The following PIWIL4 variants were observed in gnomAD, a reference collection of about 807,000 sequenced individuals.
The protein encoded by PIWIL4 is piwi-like protein 4.
Under a neutral mutation model 100.9 loss-of-function variants are expected in PIWIL4, and 50 were observed. The ratio of observed to expected loss-of-function variants is 0.50; its 90% CI spans 0.39 to 0.63. The LOEUF (loss-of-function observed/expected upper bound fraction) is 0.63, where lower values mean the gene tolerates loss of function less well. Among genes scored for constraint, PIWIL4 ranks in the 20% least tolerant of loss-of-function variants. PIWIL4 has a pLI of 0.00. For synonymous variants in PIWIL4, 342 were observed against 367.5 expected (o/e 0.93, Z 0.79); for missense variants, 887 against 1,043.3 (o/e 0.85, Z 2.06).
intron 13 of PIWIL4, among the ~76,000 whole-genome samples, chr11:94,604,773 G>C (rs780479689): frequency 6.6e-6 from 1 of 151,950 alleles, no homozygotes; most frequent in Admixed American, 6.6e-5. Context: ...TACCTCCCTC[G>C]CTCACTCAGT....
chr11:94,574,771 G>T (rs148751734), intron 2 of PIWIL4, among the ~76,000 whole-genome samples: 1 of 152,164 alleles, frequency 6.6e-6, no homozygotes, highest in African/African-American at 2.4e-5. Context: ...CATGAGTCAC[G>T]ACATCTGGCC....
intron 9 of PIWIL4, among the ~76,000 whole-genome samples, chr11:94,594,431 A>T (rs1357016959): frequency 6.7e-6 from 1 of 149,162 alleles, no homozygotes; most frequent in African/African-American, 2.5e-5. Context: ...ACGCCAGTGC[A>T]CTCCAGCCTG....
chr11:94,606,492 A>G (rs960887472), intron 13 of PIWIL4, among the ~76,000 whole-genome samples: 5 of 152,180 alleles, frequency 3.3e-5, no homozygotes, highest in African/African-American at 1.2e-4. Context: ...AAAAGATGAG[A>G]AGGAGGCGGA....
intron 7 of PIWIL4, 122 bp from the exon 8 acceptor site, chr11:94,588,999 T>C (rs1182732690): frequency 1.4e-5 from 9 of 658,316 alleles, no homozygotes; most frequent in Non-Finnish European, 2.3e-5. Flanking sequence ...ATTCTTGTTT[T>C]ATTGTTTTCA....
chr11:94,597,845 A>T lies in PIWIL4; in HGVS notation c.1310A>T (p.His437Leu). 6.2e-7 allele frequency: 1 copy of T among 1,614,104 alleles called. No individual in the cohort carries two copies. Among genetic ancestry groups the T allele is most frequent in the Non-Finnish European group, 8.5e-7 (1 of 1,179,962 alleles). Reference sequence around the variant, plus strand: ...TTTGAACTAGAGACCTGGGGACTGCATTTTGGAAGCCAGATATCTCTGACT... The same window carrying T: ...TTTGAACTAGAGACCTGGGGACTGCTTTTTGGAAGCCAGATATCTCTGACT... Reference protein sequence around the residue: ...ARFELETWGLHFGSQISLTGR... With the variant: ...ARFELETWGLLFGSQISLTGR... The change falls in exon 11 of 20, where the codon CAT becomes CTT. Residue 437 changes from histidine (H) to leucine (L), a missense_variant. By Grantham distance (99) the His-to-Leu change is moderately conservative (BLOSUM62 -3). Around this residue, in one of 2 missense-constraint regions of PIWIL4, gnomAD observed 741 missense variants for 930.0 expected, o/e 0.80. Transcript: ENST00000299001.
chr11:94,567,435 C>T lies in PIWIL4; in HGVS notation c.-84C>T, dbSNP rs958030952. On this transcript the variant is annotated 5_prime_UTR_variant, in exon 1 of 20. Coordinates refer to ENST00000299001, the MANE Select transcript of PIWIL4 (RefSeq NM_152431.3). Reference sequence around the variant, plus strand: ...CCGCCTCCAGGCAGTTTCGCCGTCACACCGTCGCCATCTGTAGCCAAAGCA... The same window carrying T: ...CCGCCTCCAGGCAGTTTCGCCGTCATACCGTCGCCATCTGTAGCCAAAGCA... 1.3e-5 allele frequency: 17 copies of T among 1,259,460 alleles called. No homozygotes were observed. The African/African-American group carries it at 2.6e-4, about 19-fold the overall frequency. The allele number at this position is 1,259,460 out of a possible 1,614,324, so 78.0% of individuals were successfully genotyped here. A position where few individuals can be genotyped will look rare whatever the true frequency, so the allele number is the denominator to read the frequency against.
rs1948542597 is a variant in PIWIL4 at position 94,595,382 on chromosome 11, A to C, written c.1224A>C (p.Ser408=). The change falls in exon 10 of 20, where the codon TCA becomes TCC. Residue 408 remains serine, a synonymous_variant. Coordinates refer to ENST00000299001, the MANE Select transcript of PIWIL4 (RefSeq NM_152431.3). ...AVAEKTRLSP[S]GRQQRLARLV... is the part of the protein sequence containing the mutation. ...CTGAAAAGACACGTCTCAGTCCTTC[A>C]GGCCGGCAGCAGCGCCTGGCCAGGC... The C allele has an allele frequency of 6.2e-7, 1 of 1,613,982 alleles. No homozygotes were observed. The highest frequency in any genetic ancestry group is 8.5e-7 in the Non-Finnish European group (1 of 1,179,866).
rs922884678 is a variant in PIWIL4 at position 94,621,110 on chromosome 11, T to C, written c.*118T>C. 1.5e-6 allele frequency: 1 copy of C among 666,430 alleles called. No homozygotes were observed. Among genetic ancestry groups the C allele is most frequent in the Non-Finnish European group, 2.5e-6 (1 of 399,422 alleles). The allele number at this position is 666,430 out of a possible 1,614,324, so 41.3% of individuals were successfully genotyped here. A position where few individuals can be genotyped will look rare whatever the true frequency, so the allele number is the denominator to read the frequency against. ...GGAAAAAGATTGAGCTTAGTTTTCA[T>C]GTCTAGGAAAAAAAGCAAAACAACT... On this transcript the variant is annotated 3_prime_UTR_variant, in exon 20 of 20. Transcript: ENST00000299001.
At chr11:94,574,030 G>A (rs1355879464) in intron 2 of PIWIL4, among the ~76,000 whole-genome samples, 1 of 151,826 alleles carries the variant, frequency 6.6e-6, no homozygotes, top group Admixed American at 6.6e-5. Flanking sequence ...ATTTAGTGAG[G>A]GTAATAGAAT....
intron 7 of PIWIL4, among the ~76,000 whole-genome samples, chr11:94,588,360 T>C (rs575365399): frequency 6.6e-6 from 1 of 152,310 alleles, no homozygotes; most frequent in Admixed American, 6.5e-5. Context: ...TGGCTTAGAA[T>C]TTCCACTTAA....
At chr11:94,614,305 T>C (rs948165213) in intron 15 of PIWIL4, among the ~76,000 whole-genome samples, 9 of 149,618 alleles carry the variant, frequency 6.0e-5, no homozygotes, top group South Asian at 2.1e-4. Flanking sequence ...CTTTTCTTTT[T>C]TTTTTTTTTT....
chr11:94,568,068 A>T (rs1218547343), intron 1 of PIWIL4, among the ~76,000 whole-genome samples: 1 of 151,692 alleles, frequency 6.6e-6, no homozygotes, highest in Non-Finnish European at 1.5e-5. Flanking sequence ...GGATTTAGGC[A>T]ACTAGATTGA....
intron 17 of PIWIL4, among the ~76,000 whole-genome samples, chr11:94,618,880 T>A (rs1948875314): frequency 6.6e-6 from 1 of 151,934 alleles, no homozygotes; most frequent in Non-Finnish European, 1.5e-5. Context: ...ATTGTTAGAG[T>A]GGAGGGGAAG....
At chr11:94,608,797 C>A in intron 15 of PIWIL4, 111 bp downstream of exon 15, 1 of 915,698 alleles carries the variant, frequency 1.1e-6, no homozygotes, top group Non-Finnish European at 1.7e-6. Context: ...TCATTTTAAA[C>A]ACCAACATTT....
intron 6 of PIWIL4, among the ~76,000 whole-genome samples, chr11:94,586,439 G>C (rs1332120459): frequency 2.0e-5 from 3 of 152,046 alleles, no homozygotes; most frequent in Non-Finnish European, 4.4e-5. Context: ...AAGTTTATGT[G>C]GGAAGAAACT....
chr11:94,589,310 C>A, intron 8 of PIWIL4, 78 bp downstream of exon 8: 1 of 1,252,756 alleles, frequency 8.0e-7, no homozygotes, highest in Non-Finnish European at 1.1e-6. Flanking sequence ...TCTCAGAGGT[C>A]CCCCAGATTG....
intron 4 of PIWIL4, among the ~76,000 whole-genome samples, chr11:94,582,256 C>T (rs771905001): frequency 6.6e-6 from 1 of 152,148 alleles, no homozygotes; most frequent in African/African-American, 2.4e-5. Flanking sequence ...TGTTCCAAAG[C>T]CCCTGCAGCA....
At chr11:94,572,205 T>C (rs572055967) in intron 2 of PIWIL4, among the ~76,000 whole-genome samples, 54 of 152,278 alleles carry the variant, frequency 3.5e-4, no homozygotes, top group Admixed American at 3.2e-3. Flanking sequence ...GTCAGATGGG[T>C]AGATTGCAAA....
At position 94,608,626 on chromosome 11, in the gene PIWIL4, C is replaced by T. The variant is rs1948752078; in HGVS notation, c.1883C>T (p.Ala628Val). The T allele has an allele frequency of 6.2e-7, 1 of 1,614,128 alleles. No homozygotes were observed. Among genetic ancestry groups the T allele is most frequent in the Middle Eastern group, 1.6e-4 (1 of 6,062 alleles). ...GTCGGTATTGATGTCTGTAAAGATG[C>T]ACTCAGCAAGGACGTGATGGTTGTT... Reference protein sequence around the residue: ...MVVGIDVCKDALSKDVMVVGC... With the variant: ...MVVGIDVCKDVLSKDVMVVGC... The change falls in exon 15 of 20, where the codon GCA becomes GTA. Residue 628 changes from alanine (A) to valine (V), a missense_variant. Ala to Val is a moderately conservative substitution (Grantham distance 64, BLOSUM62 0). Around this residue, in one of 2 missense-constraint regions of PIWIL4, gnomAD observed 741 missense variants for 930.0 expected, o/e 0.80. Coordinates refer to ENST00000299001, the MANE Select transcript of PIWIL4 (RefSeq NM_152431.3).
Sources: allele counts gnomAD v4.1 joint callset (sites outside exome capture counted in the v4.1 genomes callset), GRCh38; gene constraint gnomAD v4.1.1; regional missense constraint gnomAD v4.1.1; transcripts MANE v1.5; gene names NCBI Gene and HGNC (gene_info 2026-07-23, HGNC 2026-07-21).